The following PDE10A variants were observed in gnomAD, a reference collection of about 807,000 sequenced individuals.
PDE10A encodes phosphodiesterase 10A, also known as cAMP and cAMP-inhibited cGMP 3',5'-cyclic phosphodiesterase 10A.
In PDE10A, 39 loss-of-function variants were observed where a neutral mutation model predicts 97.7. That is an observed-to-expected ratio of 0.40 (90% CI 0.31 to 0.52). PDE10A has a LOEUF of 0.52. Ranked by LOEUF, PDE10A falls within the 20% of genes least tolerant of loss-of-function variation. The pLI is 0.56. For missense variants in PDE10A, 731 were observed against 1,047.8 expected, an observed-to-expected ratio of 0.70 and a Z score of 4.17; for synonymous variants, 371 against 376.8, an observed-to-expected ratio of 0.98 and a Z score of 0.18.
At chr6:165,790,428 G>C (rs928370963) in intron 1 of PDE10A, among the ~76,000 whole-genome samples, 1 of 152,152 alleles carries the variant, frequency 6.6e-6, no homozygotes, top group Non-Finnish European at 1.5e-5. Flanking sequence ...TCTCTTTTTA[G>C]ATTGTTCCTG....
chr6:165,608,129 T>C (rs368837107), intron 1 of PDE10A, among the ~76,000 whole-genome samples: 11 of 150,124 alleles, frequency 7.3e-5, no homozygotes, highest in African/African-American at 2.7e-4. Flanking sequence ...TATTTTATTA[T>C]ACTTTAAGTT....
intron 1 of PDE10A, among the ~76,000 whole-genome samples, chr6:165,646,706 C>T (rs1166904100): frequency 6.6e-6 from 1 of 152,178 alleles, no homozygotes; most frequent in Non-Finnish European, 1.5e-5. Context: ...CACCTGCTCC[C>T]CTGCTGCTCC....
rs917550200 is a variant in PDE10A, at chr6:165,331,517, G to T, written c.*1508C>A. On this transcript the variant is annotated 3_prime_UTR_variant, in exon 22 of 22. Coordinates refer to ENST00000539869, the MANE Select transcript of PDE10A (RefSeq NM_001385079.1). ...CGCCTATGGTGGTAAATATGTAGAA[G>T]CATATTTTTCCATTTTATTAAAAGC... 6.6e-6 allele frequency: 1 copy of T among 152,128 alleles called. No homozygotes were observed. The highest frequency in any genetic ancestry group is 1.9e-4 in the East Asian group (1 of 5,204). The allele number at this position is 152,128 out of a possible 1,614,324, so 9.4% of individuals were successfully genotyped here.
At chr6:165,872,405 T>A (rs1365933453) in intron 1 of PDE10A, among the ~76,000 whole-genome samples, 1 of 152,162 alleles carries the variant, frequency 6.6e-6, no homozygotes, top group Non-Finnish European at 1.5e-5. Flanking sequence ...TGACGCCCAC[T>A]GAACATGTTG....
intron 1 of PDE10A, among the ~76,000 whole-genome samples, chr6:165,548,426 C>G (rs1256888486): frequency 6.6e-6 from 1 of 151,800 alleles, no homozygotes; most frequent in African/African-American, 2.4e-5. Flanking sequence ...CTCTTACTTT[C>G]CCCCATTATA....
chr6:165,982,258 A>C (rs1785042879), intron 1 of PDE10A, among the ~76,000 whole-genome samples: 1 of 152,208 alleles, frequency 6.6e-6, no homozygotes, highest in African/African-American at 2.4e-5. Context: ...TCAGTCCCAG[A>C]GTCTCCCCTT....
At chr6:165,682,639 C>G (rs1357192689) in intron 1 of PDE10A, among the ~76,000 whole-genome samples, 2 of 152,166 alleles carry the variant, frequency 1.3e-5, no homozygotes, top group African/African-American at 4.8e-5. Context: ...CCAGCCTTCA[C>G]CAGGCACCAA....
At chr6:165,497,790 T>C (rs1780625585) in intron 2 of PDE10A, among the ~76,000 whole-genome samples, 1 of 152,190 alleles carries the variant, frequency 6.6e-6, no homozygotes, top group African/African-American at 2.4e-5. Flanking sequence ...GTTATATTTA[T>C]CTGAATTTAT....
chr6:165,701,941 G>T (rs1319300551), intron 1 of PDE10A, among the ~76,000 whole-genome samples: 2 of 152,164 alleles, frequency 1.3e-5, no homozygotes, highest in African/African-American at 4.8e-5. Context: ...GGAACACTCC[G>T]GTGATACGGA....
At chr6:165,864,644 C>T (rs1046910821) in intron 1 of PDE10A, among the ~76,000 whole-genome samples, 14 of 152,248 alleles carry the variant, frequency 9.2e-5, no homozygotes, top group African/African-American at 2.4e-4. Context: ...TCACCTTCCT[C>T]GAAAGCTATT....
chr6:165,397,594 T>G (rs1385163908), intron 13 of PDE10A, among the ~76,000 whole-genome samples: 1 of 149,552 alleles, frequency 6.7e-6, no homozygotes, highest in Admixed American at 6.8e-5. Flanking sequence ...CTCAGCTACT[T>G]GGGAGGCTGA....
chr6:165,938,325 T>A (rs927570430), intron 1 of PDE10A, among the ~76,000 whole-genome samples: 14 of 152,178 alleles, frequency 9.2e-5, no homozygotes, highest in African/African-American at 3.4e-4. Flanking sequence ...TCTGAATAAG[T>A]TGTGTAAATA....
At chr6:165,757,844 A>T (rs1231748869) in intron 1 of PDE10A, among the ~76,000 whole-genome samples, 1 of 152,220 alleles carries the variant, frequency 6.6e-6, no homozygotes, top group Non-Finnish European at 1.5e-5. Context: ...GTTTATTAGA[A>T]TGATGACATA....
At chr6:165,844,080 T>G (rs1780337897) in intron 1 of PDE10A, among the ~76,000 whole-genome samples, 1 of 152,130 alleles carries the variant, frequency 6.6e-6, no homozygotes, top group Non-Finnish European at 1.5e-5. Flanking sequence ...ACCTCGCAGG[T>G]GAGATGTATT....
chr6:165,877,446 G>T (rs1781370828), intron 1 of PDE10A, among the ~76,000 whole-genome samples: 1 of 152,088 alleles, frequency 6.6e-6, no homozygotes, highest in South Asian at 2.1e-4. Flanking sequence ...AGTAGCCACA[G>T]GTCTATAGGT....
intron 1 of PDE10A, among the ~76,000 whole-genome samples, chr6:165,810,312 G>C (rs1208266318): frequency 6.6e-6 from 1 of 152,186 alleles, no homozygotes; most frequent in Admixed American, 6.5e-5. Flanking sequence ...CTGTTGAATG[G>C]TGGGGTGTGG....
chr6:165,959,026 C>T (rs934422294), intron 1 of PDE10A, among the ~76,000 whole-genome samples: 1 of 152,204 alleles, frequency 6.6e-6, no homozygotes, highest in African/African-American at 2.4e-5. Context: ...CAGGATCCCT[C>T]TAACCAGGCT....
At chr6:165,488,356 C>A (rs543527739) in intron 2 of PDE10A, among the ~76,000 whole-genome samples, 2 of 152,048 alleles carry the variant, frequency 1.3e-5, no homozygotes, top group African/African-American at 4.8e-5. Flanking sequence ...AAAATAAATG[C>A]GCTAAGGGGA....
At chr6:165,684,851 G>A (rs1205111727) in intron 1 of PDE10A, among the ~76,000 whole-genome samples, 2 of 152,112 alleles carry the variant, frequency 1.3e-5, no homozygotes, top group African/African-American at 2.4e-5. Flanking sequence ...TGTCATGCAC[G>A]GTCTCAAGAT....
Sources: gnomAD v4.1 joint callset for allele counts (sites outside exome capture counted in the v4.1 genomes callset) on GRCh38, gnomAD v4.1.1 for gene constraint, MANE v1.5 for transcripts, NCBI Gene and HGNC (gene_info 2026-07-23, HGNC 2026-07-21) for gene names.